Variants in ZC3H6 observed in about 807,000 individuals in gnomAD.
The protein encoded by ZC3H6 is zinc finger CCCH-type containing 6, also known as zinc finger CCCH domain-containing protein 6.
ZC3H6 carries 40 observed loss-of-function variants against 107.7 expected under a neutral mutation model. The ratio of observed to expected loss-of-function variants is 0.37; its 90% CI spans 0.29 to 0.48. The LOEUF (loss-of-function observed/expected upper bound fraction) is 0.48, where lower values mean the gene tolerates loss of function less well. Among genes scored for constraint, ZC3H6 ranks in the 20% least tolerant of loss-of-function variants. ZC3H6 has a pLI of 0.98. For missense variants in ZC3H6, 1,267 were observed against 1,410.4 expected, an observed-to-expected ratio of 0.90 and a Z score of 1.63; for synonymous variants, 493 against 487.9, an observed-to-expected ratio of 1.01 and a Z score of -0.14.
At chr2:112,320,846 A>T (rs1203477486) in intron 7 of ZC3H6, among the ~76,000 whole-genome samples, 1 of 152,144 alleles carries the variant, frequency 6.6e-6, no homozygotes, top group African/African-American at 2.4e-5. Context: ...TGTGGCAGAC[A>T]TAAAACATGT....
At chr2:112,310,345 A>G (rs1337874505) in intron 4 of ZC3H6, among the ~76,000 whole-genome samples, 184 bp downstream of exon 4, 1 of 152,246 alleles carries the variant, frequency 6.6e-6, no homozygotes, top group Non-Finnish European at 1.5e-5. Context: ...TCTGTATGAT[A>G]CATGAATATT....
chr2:112,322,919 C>A lies in ZC3H6; in HGVS notation c.1340+17C>A. 6.4e-7 allele frequency: 1 copy of A among 1,561,252 alleles called. No homozygotes were observed. The highest frequency in any genetic ancestry group is 1.4e-5 in the African/African-American group (1 of 72,246). On this transcript the variant is annotated intron_variant, in intron 9 of 11. Coordinates refer to ENST00000409871, the MANE Select transcript of ZC3H6 (RefSeq NM_198581.3). The stretch of plus-strand genomic sequence containing the variant: ...TGGGAGGAAGTAAGTGAAAAACTTT[C>A]AAAATGACATCAAATATTTTTTTCT...
chr2:112,289,206 A>G (rs1049826110), intron 1 of ZC3H6, among the ~76,000 whole-genome samples: 28 of 151,148 alleles, frequency 1.9e-4, no homozygotes, highest in Non-Finnish European at 1.0e-4. Flanking sequence ...GGGTTTCACC[A>G]TGTTGGCCAG....
rs561410786 is a variant in ZC3H6 at position 112,314,287 on chromosome 2, T to A, written c.748-2183T>A. ...TCCTGAGTTCTGTCAGTCTGCTAAC[T>A]CACCATATCTTCTGGGCACTTAATT... On this transcript the variant is annotated intron_variant, in intron 5 of 11. Coordinates refer to ENST00000409871, the MANE Select transcript of ZC3H6 (RefSeq NM_198581.3). Among the ~76,000 whole-genome samples, 9 of 152,288 alleles carry A rather than the reference T, an allele frequency of 5.9e-5. No individual in the cohort carries two copies. In the East Asian group the frequency reaches 1.7e-3, roughly 29 times the overall value.
chr2:112,289,042 C>G (rs1676029599), intron 1 of ZC3H6, among the ~76,000 whole-genome samples: 1 of 97,604 alleles, frequency 1.0e-5, no homozygotes, highest in Non-Finnish European at 2.2e-5. Flanking sequence ...AACTGAACCA[C>G]TCTTTTTTTT....
rs1039157231 is a variant in ZC3H6, at chr2:112,275,787, G to A, written c.-208G>A. 8 of 477,480 alleles carry A rather than the reference G, an allele frequency of 1.7e-5. No homozygotes were observed. Among genetic ancestry groups the A allele is most frequent in the Non-Finnish European group, 3.0e-5 (8 of 266,488 alleles). The allele number at this position is 477,480 out of a possible 1,614,324, so 29.6% of individuals were successfully genotyped here. ...GGCCGTTGCCCAGTGTTTGCAGTTA[G>A]AGCCCCATCTCTCTGGCGTGGTTGT... On this transcript the variant is annotated 5_prime_UTR_variant, in exon 1 of 12. Coordinates refer to ENST00000409871, the MANE Select transcript of ZC3H6 (RefSeq NM_198581.3).
intron 1 of ZC3H6, among the ~76,000 whole-genome samples, chr2:112,277,192 C>A (rs1455204748): frequency 6.6e-6 from 1 of 152,068 alleles, no homozygotes; most frequent in South Asian, 2.1e-4. Context: ...CCAGAGGGCA[C>A]GTCAATCAAA....
intron 9 of ZC3H6, 113 bp downstream of exon 9, chr2:112,323,015 C>T (rs533678625): frequency 1.8e-6 from 2 of 1,122,882 alleles, no homozygotes; most frequent in South Asian, 3.2e-5. Flanking sequence ...AGAGATAGCA[C>T]ATATCTGGCA....
At chr2:112,310,861 A>G (rs1202392588) in intron 4 of ZC3H6, among the ~76,000 whole-genome samples, 1 of 152,230 alleles carries the variant, frequency 6.6e-6, no homozygotes, top group Non-Finnish European at 1.5e-5. Context: ...GGAATCAGTT[A>G]TGAGTAAATT....
At chr2:112,292,154 A>G (rs1420187238) in intron 1 of ZC3H6, among the ~76,000 whole-genome samples, 2 of 152,194 alleles carry the variant, frequency 1.3e-5, no homozygotes, top group Non-Finnish European at 2.9e-5. Context: ...TATGAATGTT[A>G]AGCTCAGGGA....
chr2:112,275,908 G>A lies in ZC3H6; in HGVS notation c.-87G>A. 3 of 1,253,828 alleles carry A rather than the reference G, an allele frequency of 2.4e-6. No individual in the cohort carries two copies. The highest frequency in any genetic ancestry group is 3.2e-6 in the Non-Finnish European group (3 of 924,382). 77.7% of individuals were successfully genotyped at this position (1,253,828 alleles called of 1,614,324 possible). A position where few individuals can be genotyped will look rare whatever the true frequency, so the allele number is the denominator to read the frequency against. On this transcript the variant is annotated 5_prime_UTR_variant, in exon 1 of 12. Transcript: ENST00000409871. ...CGGCGGCGGCCGGGAGCAGGTTCCC[G>A]CAGGCGGCGCGGGGGGTCTTCCCCG...
At chr2:112,294,543 C>T (rs1443644302) in intron 1 of ZC3H6, among the ~76,000 whole-genome samples, 1 of 152,122 alleles carries the variant, frequency 6.6e-6, no homozygotes, top group Admixed American at 6.5e-5. Flanking sequence ...TATCATCTAT[C>T]AGGAGTACTT....
At chr2:112,287,201 T>G (rs1188980743) in intron 1 of ZC3H6, among the ~76,000 whole-genome samples, 2 of 152,144 alleles carry the variant, frequency 1.3e-5, no homozygotes, top group African/African-American at 4.8e-5. Context: ...TTCTGAGATT[T>G]GTTTCTGTGG....
Position 112,311,717 on chromosome 2 carries a change from T to C in ZC3H6, c.614-87T>C, listed in dbSNP as rs1676596191. 4.1e-6 allele frequency: 5 copies of C among 1,216,504 alleles called. No individual in the cohort carries two copies. The South Asian group carries it at 7.5e-5, about 18-fold the overall frequency. The allele number at this position is 1,216,504 out of a possible 1,614,324, so 75.4% of individuals were successfully genotyped here. A position where few individuals can be genotyped will look rare whatever the true frequency, so the allele number is the denominator to read the frequency against. Reference sequence around the variant, plus strand: ...AAAGAATGCACTGTATATTATAGACTATTAAAATGTGCTGTTCCTTATAAA... The same window carrying C: ...AAAGAATGCACTGTATATTATAGACCATTAAAATGTGCTGTTCCTTATAAA... On this transcript the variant is annotated intron_variant, in intron 4 of 11. Transcript: ENST00000409871.
At position 112,322,802 on chromosome 2, in the gene ZC3H6, G is replaced by T; in HGVS notation, c.1240G>T (p.Asp414Tyr). The stretch of plus-strand genomic sequence containing the variant: ...TTTTCCCTTTTCTGATCCTGAAGAC[G>T]ATTTTCAGACAGATTTCTCTGATGA... ...EHFPFSDPED[D>Y]FQTDFSDDFR... Residue 414 changes from aspartate (D) to tyrosine (Y), a missense_variant, in exon 9 of 12, where the codon GAT becomes TAT. Physicochemically the swap from Asp to Tyr is radical, Grantham distance 160. Around this residue, in one of 3 missense-constraint regions of ZC3H6, gnomAD observed 925 missense variants for 1,025.7 expected, o/e 0.90. Coordinates refer to ENST00000409871, the MANE Select transcript of ZC3H6 (RefSeq NM_198581.3). The T allele has an allele frequency of 1.2e-6, 2 of 1,613,854 alleles. No individual in the cohort carries two copies. Among genetic ancestry groups the T allele is most frequent in the Non-Finnish European group, 1.7e-6 (2 of 1,179,854 alleles).
chr2:112,330,058 T>TC (rs2104726448), intron 11 of ZC3H6, among the ~76,000 whole-genome samples: 1 of 151,366 alleles, frequency 6.6e-6, no homozygotes, highest in East Asian at 1.9e-4. Flanking sequence ...ATGGTAGGTT[T>TC]TTTTTTTTTT....
intron 1 of ZC3H6, among the ~76,000 whole-genome samples, chr2:112,281,065 T>G (rs1686516929): frequency 6.6e-6 from 1 of 152,086 alleles, no homozygotes; most frequent in African/African-American, 2.4e-5. Context: ...AAGAAAAAAC[T>G]TGGTGTAATG....
At chr2:112,295,348 TAAAC>T (rs778464041) in intron 1 of ZC3H6, among the ~76,000 whole-genome samples, 7 of 152,196 alleles carry the variant, frequency 4.6e-5, no homozygotes, top group Non-Finnish European at 8.8e-5. Context: ...TTGTGTTTAG[TAAAC>T]AAAACAGCTC....
chr2:112,326,092 G>A (rs1401361070), intron 11 of ZC3H6, among the ~76,000 whole-genome samples: 1 of 152,044 alleles, frequency 6.6e-6, no homozygotes, highest in Non-Finnish European at 1.5e-5. Context: ...TGGGTACGTA[G>A]TAGGTATATA....
Sources: allele counts gnomAD v4.1 joint callset (sites outside exome capture counted in the v4.1 genomes callset), GRCh38; gene constraint gnomAD v4.1.1; regional missense constraint gnomAD v4.1.1; transcripts MANE v1.5; gene names NCBI Gene and HGNC (gene_info 2026-07-23, HGNC 2026-07-21).